DMD: variants seen among roughly 807,000 people sequenced by gnomAD.
The protein encoded by DMD is dystrophin, also known as mutant dystrophin.
Under a neutral mutation model 330.1 loss-of-function variants are expected in DMD, and 63 were observed. That is an observed-to-expected ratio of 0.19 (90% confidence interval 0.16 to 0.24). The LOEUF is 0.24. DMD is among the 10% of genes least tolerant of loss of function. The pLI is 1.00. For missense variants in DMD, 3,344 were observed against 2,684.1 expected, an observed-to-expected ratio of 1.25 and a Z score of -5.43; for synonymous variants, 1,223 against 959.8, an observed-to-expected ratio of 1.27 and a Z score of -5.07.
chrX:32,949,373 GATA>G (rs2091068671), intron 2 of DMD, among the ~76,000 whole-genome samples: 3 of 107,301 alleles, frequency 2.8e-5, no homozygotes, highest in Non-Finnish European at 5.8e-5. Context: ...TAGATAGATA[GATA>G]GATAGATAGA....
intron 7 of DMD, among the ~76,000 whole-genome samples, chrX:32,729,051 G>A (rs1315661223): frequency 4.5e-5 from 5 of 111,974 alleles, no homozygotes; most frequent in Non-Finnish European, 1.9e-5. Context: ...TACAGCAAAC[G>A]GGCAACACGT....
chrX:32,905,376 T>C (rs1212382743), intron 2 of DMD, among the ~76,000 whole-genome samples: 1 of 111,956 alleles, frequency 8.9e-6, no homozygotes, highest in Non-Finnish European at 1.9e-5. Flanking sequence ...AATTTCCAGT[T>C]ACCATAAAAA....
intron 7 of DMD, among the ~76,000 whole-genome samples, chrX:32,710,019 G>T (rs915080461): frequency 1.2e-4 from 13 of 111,251 alleles, no homozygotes; most frequent in African/African-American, 4.2e-4. Context: ...TGAAAATTGA[G>T]CACTGCTTGA....
chrX:32,038,259 T>C (rs755413251), intron 44 of DMD, among the ~76,000 whole-genome samples: 8 of 111,984 alleles, frequency 7.1e-5, no homozygotes, highest in Non-Finnish European at 1.3e-4. Context: ...GATGTTGGAC[T>C]AGGGAGATTA....
At chrX:31,686,598 T>A (rs762343199) in intron 52 of DMD, among the ~76,000 whole-genome samples, 34 of 112,328 alleles carry the variant, frequency 3.0e-4, no homozygotes, top group African/African-American at 1.1e-3. Flanking sequence ...TTATATAAAA[T>A]CCATAAATTA....
chrX:32,528,944 C>G (rs1160413626), intron 17 of DMD, among the ~76,000 whole-genome samples: 1 of 89,247 alleles, frequency 1.1e-5, no homozygotes, highest in Non-Finnish European at 2.1e-5. Context: ...TTTTTTCAGA[C>G]GGAGTCTCGC....
At chrX:32,280,144 G>GTA (rs200390755) in intron 43 of DMD, among the ~76,000 whole-genome samples, 951 of 46,136 alleles carry the variant, frequency 0.021, 46 homozygotes, top group Admixed American at 0.13. Flanking sequence ...TATATATACA[G>GTA]TATATATATA....
intron 51 of DMD, among the ~76,000 whole-genome samples, chrX:31,738,817 A>T (rs1460160169): frequency 8.9e-6 from 1 of 112,254 alleles, no homozygotes; most frequent in Non-Finnish European, 1.9e-5. Context: ...GGTGAAATAA[A>T]TCAGACACAG....
intron 52 of DMD, among the ~76,000 whole-genome samples, chrX:31,728,829 T>C (rs1337090934): frequency 9.0e-6 from 1 of 111,200 alleles, no homozygotes; most frequent in Non-Finnish European, 1.9e-5. Flanking sequence ...TCAATACCAG[T>C]GTGTGTCCCT....
chrX:31,179,665 G>T (rs756636498), intron 69 of DMD, among the ~76,000 whole-genome samples: 24 of 111,402 alleles, frequency 2.2e-4, no homozygotes, highest in African/African-American at 7.5e-4. Flanking sequence ...TTGTACTCAG[G>T]TCTGTCTGGC....
intron 7 of DMD, among the ~76,000 whole-genome samples, chrX:32,715,699 G>T (rs962934900): frequency 9.1e-6 from 1 of 109,842 alleles, no homozygotes; most frequent in African/African-American, 3.3e-5. Context: ...TACTTGGGAG[G>T]CTGAGGTAGG....
chrX:31,324,345 T>A (rs2148303523), intron 61 of DMD, among the ~76,000 whole-genome samples: 1 of 111,041 alleles, frequency 9.0e-6, no homozygotes, highest in Admixed American at 9.5e-5. Context: ...AGGAATTTGT[T>A]TTATTATGAC....
chrX:32,188,910 A>G (rs2096959302), intron 44 of DMD, among the ~76,000 whole-genome samples: 1 of 110,726 alleles, frequency 9.0e-6, no homozygotes, highest in Non-Finnish European at 1.9e-5. Context: ...CTTAAATCCT[A>G]AAACAATCCT....
intron 7 of DMD, among the ~76,000 whole-genome samples, chrX:32,739,308 A>G (rs2068926958): frequency 8.9e-6 from 1 of 111,878 alleles, no homozygotes; most frequent in African/African-American, 3.3e-5. Flanking sequence ...AATTTAGAAC[A>G]TGTGGCCAAG....
In DMD at chrX:32,614,385, G is replaced by A; in HGVS notation, c.1400C>T (p.Thr467Ile). The A allele has an allele frequency of 8.3e-7, 1 of 1,207,106 alleles. No individual in the cohort carries two copies. Among genetic ancestry groups the A allele is most frequent in the Non-Finnish European group, 1.1e-6 (1 of 892,530 alleles). The change falls in exon 12 of 79, where the codon ACA (threonine) becomes ATA (isoleucine). Residue 467 changes from threonine to isoleucine, a missense_variant. Coordinates refer to ENST00000357033, the MANE Select transcript of DMD (RefSeq NM_004006.3). ...LKELNDWLTK[T>I]EERTRKMEEE... The stretch of plus-strand genomic sequence containing the variant: ...CTCCATTTTCCTTGTTCTTTCTTCT[G>A]TTTTTGTTAGCCAGTCATTCAACTC...
At chrX:31,526,843 C>T (rs1484659017) in intron 55 of DMD, among the ~76,000 whole-genome samples, 1 of 112,391 alleles carries the variant, frequency 8.9e-6, no homozygotes, top group East Asian at 2.8e-4. Context: ...GGCATGGTGG[C>T]TCACATCTGT....
intron 1 of DMD, among the ~76,000 whole-genome samples, chrX:33,281,400 G>C (rs745549885): frequency 1.8e-5 from 2 of 110,317 alleles, no homozygotes; most frequent in African/African-American, 3.3e-5. Flanking sequence ...GTCGAGACAG[G>C]GTTTCACTAT....
intron 29 of DMD, among the ~76,000 whole-genome samples, chrX:32,415,463 C>T (rs1036910746): frequency 3.6e-5 from 4 of 112,009 alleles, no homozygotes; most frequent in Non-Finnish European, 7.5e-5. Flanking sequence ...ATGGCATAAG[C>T]TGCCTTCTAT....
At chrX:32,465,886 T>A (rs1471145982) in intron 23 of DMD, among the ~76,000 whole-genome samples, 1 of 111,222 alleles carries the variant, frequency 9.0e-6, no homozygotes, top group Non-Finnish European at 1.9e-5. Context: ...GCCTGGGCTG[T>A]TCAGGTCTCA....
Sources: allele counts gnomAD v4.1 joint callset (sites outside exome capture counted in the v4.1 genomes callset), GRCh38; gene constraint gnomAD v4.1.1; transcripts MANE v1.5; gene names NCBI Gene and HGNC (gene_info 2026-07-23, HGNC 2026-07-21).